DNAH3: variants seen among roughly 807,000 people sequenced by gnomAD.
The protein encoded by DNAH3 is axonemal beta dynein heavy chain 3.
Under a neutral mutation model 432.5 loss-of-function variants are expected in DNAH3, and 332 were observed. The ratio of observed to expected loss-of-function variants is 0.77; its 90% CI spans 0.70 to 0.84. The LOEUF is 0.84. DNAH3 is among the 40% of genes least tolerant of loss of function. The pLI is 0.00. For missense variants in DNAH3, 4,861 were observed against 5,114.0 expected (o/e 0.95, Z 1.51); for synonymous variants, 1,956 against 1,900.2 (o/e 1.03, Z -0.76).
intron 20 of DNAH3, among the ~76,000 whole-genome samples, chr16:21,080,646 T>G (rs1210683038): frequency 1.3e-5 from 2 of 152,124 alleles, no homozygotes; most frequent in African/African-American, 4.8e-5. Flanking sequence ...AGAATTTGAT[T>G]ATGTGGGTTG....
In DNAH3 at chr16:21,149,259, A is replaced by C. The variant is rs149401670; in HGVS notation, c.118-3171T>G. 9.3e-4 allele frequency among the ~76,000 whole-genome samples: 141 copies of C among 152,174 alleles called. 1 individual carries two copies. Among genetic ancestry groups the C allele is most frequent in the South Asian group, 3.9e-3 (19 of 4,814 alleles). ...AAAAAAGAAAGAAAGAAAAAGAAAGAAAGAAATTAATGCTTAAATCTTCTC... is the reference window on the plus strand; with the variant it reads ...AAAAAAGAAAGAAAGAAAAAGAAAGCAAGAAATTAATGCTTAAATCTTCTC... On this transcript the variant is annotated intron_variant, in intron 1 of 61. Transcript: ENST00000261383.
At chr16:20,988,363 G>T (rs571245355) in intron 44 of DNAH3, among the ~76,000 whole-genome samples, 64 of 152,340 alleles carry the variant, frequency 4.2e-4, no homozygotes, top group Non-Finnish European at 8.8e-4. Flanking sequence ...TACTGCGGAA[G>T]TTCTACTGAG....
intron 35 of DNAH3, among the ~76,000 whole-genome samples, chr16:21,035,675 T>C (rs537864785): frequency 2.0e-5 from 3 of 152,328 alleles, no homozygotes; most frequent in Admixed American, 1.3e-4. Context: ...TAATAAAATA[T>C]TGAAAATTAA....
intron 31 of DNAH3, among the ~76,000 whole-genome samples, chr16:21,045,057 G>C (rs330144): frequency 0.12 from 18,704 of 152,130 alleles, 1,433 homozygotes; most frequent in African/African-American, 0.2. Flanking sequence ...TTTTTGATGT[G>C]CTGCTGGATT....
intron 16 of DNAH3, among the ~76,000 whole-genome samples, chr16:21,100,061 T>C (rs1367579003): frequency 6.6e-6 from 1 of 152,204 alleles, no homozygotes; most frequent in Non-Finnish European, 1.5e-5. Context: ...AAACATGATT[T>C]AGAGAATTAA....
At chr16:21,040,370 T>TC (rs2089382974) in intron 32 of DNAH3, among the ~76,000 whole-genome samples, 1 of 140,724 alleles carries the variant, frequency 7.1e-6, no homozygotes, top group Non-Finnish European at 1.5e-5. Flanking sequence ...TTTTTTTTTT[T>TC]TTTTTTTTTT....
intron 41 of DNAH3, among the ~76,000 whole-genome samples, chr16:21,004,909 C>T (rs1176567109): frequency 6.6e-6 from 1 of 152,122 alleles, no homozygotes; most frequent in African/African-American, 2.4e-5. Context: ...TCTCTGGTTC[C>T]TTTTGTTGTC....
chr16:21,065,186 A>T (rs2090502895), intron 24 of DNAH3, among the ~76,000 whole-genome samples: 1 of 151,840 alleles, frequency 6.6e-6, no homozygotes, highest in South Asian at 2.1e-4. Context: ...TTTGAGAGAG[A>T]GTCTCGCTCT....
chr16:21,079,342 G>A (rs2091093859), intron 20 of DNAH3, among the ~76,000 whole-genome samples: 1 of 152,180 alleles, frequency 6.6e-6, no homozygotes, highest in East Asian at 1.9e-4. Flanking sequence ...AATGTGTTAA[G>A]GTCGGGCATG....
chr16:20,974,579 G>T (rs78194188), intron 51 of DNAH3, among the ~76,000 whole-genome samples: 10 of 81,838 alleles, frequency 1.2e-4, no homozygotes, highest in East Asian at 4.3e-4. Context: ...GTTTTATAGT[G>T]TTTTTTTTTT....
intron 55 of DNAH3, among the ~76,000 whole-genome samples, chr16:20,954,358 T>C (rs2084462163): frequency 2.0e-5 from 3 of 150,680 alleles, no homozygotes; most frequent in Admixed American, 2.0e-4. Flanking sequence ...TGGTGTGATA[T>C]GGGCTCACTA....
rs113986495 is a variant in DNAH3 at position 21,098,870 on chromosome 16, T to A, written c.2367-101A>T. On this transcript the variant is annotated intron_variant, in intron 16 of 61. Transcript: ENST00000261383. Reference sequence around the variant, plus strand: ...ATATTTAAGCCTGCAGACAATTTGATCAGTTACCTGCAGATTTCCTCCCCC... The same window carrying A: ...ATATTTAAGCCTGCAGACAATTTGAACAGTTACCTGCAGATTTCCTCCCCC... The A allele has an allele frequency of 4.1e-4, 498 of 1,224,440 alleles. 2 individuals carry two copies. The African/African-American group carries it at 7.1e-3, about 17-fold the overall frequency. 75.8% of individuals were successfully genotyped at this position (1,224,440 alleles called of 1,614,324 possible). A position where few individuals can be genotyped will look rare whatever the true frequency, so the allele number is the denominator to read the frequency against.
intron 12 of DNAH3, 88 bp from the exon 13 acceptor site, chr16:21,112,186 C>T (rs974554896): frequency 1.1e-6 from 1 of 870,960 alleles, no homozygotes; most frequent in African/African-American, 1.7e-5. Flanking sequence ...GACATAGTAG[C>T]ATTTTAAAAA....
exon 56 of DNAH3, chr16:20,952,536 G>T (rs761263884): frequency 4.4e-6 from 7 of 1,608,914 alleles, no homozygotes; most frequent in Non-Finnish European, 6.0e-6. Flanking sequence ...TGAATTCATA[G>T]GGAATATTCC....
Position 21,002,968 on chromosome 16 carries a change from A to G in DNAH3, c.6126+136T>C, listed in dbSNP as rs528664113. 74 of 667,868 alleles carry G rather than the reference A, an allele frequency of 1.1e-4. No individual in the cohort carries two copies. In the East Asian group the frequency reaches 2.0e-3, roughly 18 times the overall value. The allele number at this position is 667,868 out of a possible 1,614,324, so 41.4% of individuals were successfully genotyped here. The stretch of plus-strand genomic sequence containing the variant: ...CTAAAGCCCATGTTTTTGAAGGTCC[A>G]CTGCAGCTCATGTTTAAATATTTTT... On this transcript the variant is annotated intron_variant, in intron 42 of 61. Transcript: ENST00000261383.
At chr16:20,963,708 C>T in exon 53 of DNAH3, 1 of 1,614,082 alleles carries the variant, frequency 6.2e-7, no homozygotes, top group Non-Finnish European at 8.5e-7. Flanking sequence ...GGAAGTACCA[C>T]ACCTCCTCCG....
intron 31 of DNAH3, among the ~76,000 whole-genome samples, chr16:21,045,035 G>A (rs1178129250): frequency 6.6e-6 from 1 of 152,126 alleles, no homozygotes; most frequent in African/African-American, 2.4e-5. Context: ...TACTTGATCA[G>A]GGTGGATAAG....
chr16:21,111,693 G>A lies in DNAH3; in HGVS notation c.2032C>T (p.Arg678Ter), dbSNP rs775586516. 1.4e-5 allele frequency: 23 copies of A among 1,613,856 alleles called. No homozygotes were observed. The highest frequency in any genetic ancestry group is 1.7e-5 in the Non-Finnish European group (20 of 1,179,950). Residue 678 changes from arginine (R) to a stop codon, truncating the protein, a stop_gained, in exon 14 of 62, where the codon CGA becomes TGA. Coordinates refer to ENST00000261383, the Ensembl canonical transcript of DNAH3. LOFTEE classifies it high-confidence loss of function. ...AGATGGTCTTTAAGATTTTGAGCTC[G>A]CTCACAGAGATCATGATTTAGGGCC...
At chr16:21,001,697 T>C (rs746746458) in intron 42 of DNAH3, among the ~76,000 whole-genome samples, 10 of 152,166 alleles carry the variant, frequency 6.6e-5, no homozygotes, top group Non-Finnish European at 1.3e-4. Flanking sequence ...AAGGCAGGTA[T>C]GTAATAACAC....
Sources: gnomAD v4.1 joint callset for allele counts (sites outside exome capture counted in the v4.1 genomes callset) on GRCh38, gnomAD v4.1.1 for gene constraint, MANE v1.5 for transcripts, NCBI Gene and HGNC (gene_info 2026-07-23, HGNC 2026-07-21) for gene names.